Variants in NELL1 observed in about 807,000 individuals in gnomAD.
NELL1 encodes neural EGFL like 1, also known as protein kinase C-binding protein NELL1.
In NELL1, 76 loss-of-function variants were observed where a neutral mutation model predicts 107.4. The ratio of observed to expected loss-of-function variants is 0.71; its 90% CI spans 0.59 to 0.86. NELL1 has a LOEUF of 0.86. Ranked by LOEUF, NELL1 falls within the 40% of genes least tolerant of loss-of-function variation. NELL1 has a pLI of 0.00. For missense variants in NELL1, 1,024 were observed against 1,005.5 expected (o/e 1.02, Z -0.25); for synonymous variants, 353 against 341.2 (o/e 1.03, Z -0.38).
intron 17 of NELL1, among the ~76,000 whole-genome samples, 178 bp from the exon 18 acceptor site, chr11:21,570,586 G>A (rs182114369): frequency 2.6e-4 from 39 of 151,754 alleles, no homozygotes; most frequent in Non-Finnish European, 2.1e-4. Flanking sequence ...TTTCTGCTCT[G>A]CAAGCAAAAT....
chr11:21,380,325 T>C (rs1851580239), intron 15 of NELL1, among the ~76,000 whole-genome samples: 1 of 152,098 alleles, frequency 6.6e-6, no homozygotes, highest in South Asian at 2.1e-4. Context: ...TTGCAAATGC[T>C]CTTTTAAAAT....
At chr11:20,706,331 T>G (rs1191511922) in intron 2 of NELL1, among the ~76,000 whole-genome samples, 3 of 152,058 alleles carry the variant, frequency 2.0e-5, no homozygotes, top group Non-Finnish European at 2.9e-5. Flanking sequence ...TGGAATACTA[T>G]GCAGCCATAA....
At chr11:21,547,628 A>G (rs1856476056) in intron 16 of NELL1, among the ~76,000 whole-genome samples, 2 of 151,978 alleles carry the variant, frequency 1.3e-5, no homozygotes, top group Non-Finnish European at 2.9e-5. Context: ...ATACTCTATC[A>G]TAAGTCTATC....
At chr11:20,866,337 C>T (rs1849095861) in intron 4 of NELL1, among the ~76,000 whole-genome samples, 1 of 152,200 alleles carries the variant, frequency 6.6e-6, no homozygotes, top group African/African-American at 2.4e-5. Context: ...CTGTTCTATT[C>T]ACCTTAGCCC....
chr11:21,159,765 G>C (rs1856320983), intron 13 of NELL1, among the ~76,000 whole-genome samples: 2 of 152,214 alleles, frequency 1.3e-5, no homozygotes, highest in Non-Finnish European at 2.9e-5. Flanking sequence ...AAGTGAGAAT[G>C]TGTAGTGGCT....
At chr11:21,320,234 C>T (rs1335486528) in intron 14 of NELL1, among the ~76,000 whole-genome samples, 2 of 152,010 alleles carry the variant, frequency 1.3e-5, no homozygotes, top group Non-Finnish European at 2.9e-5. Flanking sequence ...TGAATGTGAG[C>T]CTGTGTCACT....
At chr11:20,791,566 T>G (rs1857074156) in intron 3 of NELL1, among the ~76,000 whole-genome samples, 1 of 152,148 alleles carries the variant, frequency 6.6e-6, no homozygotes, top group Non-Finnish European at 1.5e-5. Flanking sequence ...TTAGTTCATT[T>G]TTATACCAAA....
At chr11:20,865,687 A>G (rs1590361820) in intron 4 of NELL1, among the ~76,000 whole-genome samples, 1 of 152,104 alleles carries the variant, frequency 6.6e-6, no homozygotes, top group East Asian at 1.9e-4. Context: ...CACAGGCCCT[A>G]TTAGGTGGTT....
intron 15 of NELL1, among the ~76,000 whole-genome samples, chr11:21,527,490 C>G (rs1855883934): frequency 6.6e-6 from 1 of 152,162 alleles, no homozygotes; most frequent in African/African-American, 2.4e-5. Context: ...CAGCACCCCA[C>G]TCTCAGTACC....
chr11:20,882,393 G>T (rs530532716), intron 4 of NELL1, among the ~76,000 whole-genome samples: 23 of 152,284 alleles, frequency 1.5e-4, no homozygotes, highest in African/African-American at 5.1e-4. Flanking sequence ...TATGGACCTT[G>T]TTGGTTTTTT....
chr11:21,287,168 C>T (rs2133954730), intron 14 of NELL1, among the ~76,000 whole-genome samples: 1 of 152,322 alleles, frequency 6.6e-6, no homozygotes, highest in Non-Finnish European at 1.5e-5. Flanking sequence ...CAAATCATAT[C>T]TGCTGATTCA....
chr11:21,166,771 A>G (rs1201571359), intron 13 of NELL1, among the ~76,000 whole-genome samples: 1 of 151,998 alleles, frequency 6.6e-6, no homozygotes, highest in Non-Finnish European at 1.5e-5. Context: ...GTGACAATCT[A>G]AAACAAATAA....
At chr11:20,688,536 A>T (rs1220575009) in intron 2 of NELL1, among the ~76,000 whole-genome samples, 1 of 152,140 alleles carries the variant, frequency 6.6e-6, no homozygotes, top group Non-Finnish European at 1.5e-5. Flanking sequence ...AGCTGCATCC[A>T]TGTTGCTGCA....
At chr11:21,354,594 T>C (rs978268914) in intron 14 of NELL1, among the ~76,000 whole-genome samples, 1 of 152,170 alleles carries the variant, frequency 6.6e-6, no homozygotes, top group Admixed American at 6.6e-5. Flanking sequence ...TAATTACAAA[T>C]TACCTTTTAA....
intron 15 of NELL1, among the ~76,000 whole-genome samples, chr11:21,458,678 G>C (rs1853813512): frequency 6.6e-6 from 1 of 152,042 alleles, no homozygotes; most frequent in African/African-American, 2.4e-5. Flanking sequence ...TTAAAGAAAA[G>C]ATACAGAAAT....
At chr11:21,092,787 T>C (rs1020346887) in intron 12 of NELL1, among the ~76,000 whole-genome samples, 2 of 152,204 alleles carry the variant, frequency 1.3e-5, no homozygotes, top group Non-Finnish European at 2.9e-5. Context: ...GTTAATATTA[T>C]GTGGAGACCT....
chr11:20,731,588 T>A (rs930620066), intron 2 of NELL1, among the ~76,000 whole-genome samples: 17 of 152,150 alleles, frequency 1.1e-4, no homozygotes, highest in African/African-American at 4.1e-4. Context: ...TGTGCCTGAG[T>A]ATGAGGCTGT....
chr11:20,945,770 G>A (rs980831537), intron 10 of NELL1, among the ~76,000 whole-genome samples: 1 of 152,142 alleles, frequency 6.6e-6, no homozygotes, highest in African/African-American at 2.4e-5. Context: ...CCTTAGGACT[G>A]GAGCTAATTT....
At chr11:21,026,328 GC>G (rs1264687870) in intron 12 of NELL1, among the ~76,000 whole-genome samples, 2 of 152,060 alleles carry the variant, frequency 1.3e-5, no homozygotes, top group Non-Finnish European at 2.9e-5. Flanking sequence ...TGGCCTCTGT[GC>G]TGACCTGCCA....
Sources: allele counts gnomAD v4.1 joint callset (sites outside exome capture counted in the v4.1 genomes callset), GRCh38; gene constraint gnomAD v4.1.1; transcripts MANE v1.5; gene names NCBI Gene and HGNC (gene_info 2026-07-23, HGNC 2026-07-21).